CDCP2: variants seen among roughly 807,000 people sequenced by gnomAD.
The protein encoded by CDCP2 is CUB domain containing protein 2.
A neutral mutation model predicts 31.0 loss-of-function variants in CDCP2; 31 were observed. The ratio of observed to expected loss-of-function variants is 1.00; its 90% CI spans 0.75 to 1.35. CDCP2 has a LOEUF of 1.35. Among genes scored for constraint, CDCP2 ranks in the 40% most tolerant of loss-of-function variants. The probability of loss-of-function intolerance (pLI) is 0.00; values close to 1 mark genes in which losing one functional copy is unlikely to be tolerated. For synonymous variants in CDCP2, 206 were observed against 207.9 expected (o/e 0.99, Z 0.08); for missense variants, 443 against 482.6 (o/e 0.92, Z 0.77).
At chr1:54,134,564 A>T (rs1383683287) in intron 5 of CDCP2, among the ~76,000 whole-genome samples, 1 of 152,196 alleles carries the variant, frequency 6.6e-6, no homozygotes, top group African/African-American at 2.4e-5. Context: ...CCATCTAGCA[A>T]GTAGCACTCC....
At chr1:54,152,210 T>A (rs547335277) in intron 1 of CDCP2, among the ~76,000 whole-genome samples, 57 of 152,266 alleles carry the variant, frequency 3.7e-4, no homozygotes, top group African/African-American at 1.3e-3. Flanking sequence ...ATGCCTGTAA[T>A]CCCAGCACTT....
intron 1 of CDCP2, among the ~76,000 whole-genome samples, chr1:54,150,543 C>A (rs951586657): frequency 2.0e-5 from 3 of 151,774 alleles, no homozygotes; most frequent in African/African-American, 7.3e-5. Flanking sequence ...TGCACTGAGC[C>A]GAGATTGCGC....
At chr1:54,134,544 C>T (rs1002789466) in intron 5 of CDCP2, among the ~76,000 whole-genome samples, 8 of 152,126 alleles carry the variant, frequency 5.3e-5, no homozygotes, top group African/African-American at 9.7e-5. Flanking sequence ...TCAGGGTTTC[C>T]TAACTGGCCC....
chr1:54,137,702 T>TGTGTGCGTGTGTGTGC (rs1188646906), intron 4 of CDCP2: 1 of 152,774 alleles, frequency 6.5e-6, no homozygotes, highest in Non-Finnish European at 1.5e-5. Context: ...TGTGTGTGTG[T>TGTGTGCGTGTGTGTGC]GTGCATGCGG....
chr1:54,141,367 T>A, exon 3 of CDCP2: 1 of 1,614,030 alleles, frequency 6.2e-7, no homozygotes. Context: ...GCTGTTCGGG[T>A]AGTTGTTGGG....
At chr1:54,139,701 T>C (rs1467550244) in intron 4 of CDCP2, 52 bp downstream of exon 4, 3 of 1,613,984 alleles carry the variant, frequency 1.9e-6, no homozygotes, top group Non-Finnish European at 2.5e-6. Flanking sequence ...AGACTGAGGC[T>C]GCAAAGCCTC....
intron 4 of CDCP2, among the ~76,000 whole-genome samples, chr1:54,137,279 A>C (rs1487925950): frequency 1.3e-5 from 2 of 152,218 alleles, no homozygotes; most frequent in Non-Finnish European, 2.9e-5. Context: ...TGGAGCTTAC[A>C]TTCTAGATGG....
In CDCP2 at chr1:54,144,460, G is replaced by A. The variant is rs377194148; in HGVS notation, c.427+6C>T. 2.2e-5 allele frequency: 35 copies of A among 1,564,420 alleles called. No individual in the cohort carries two copies. The highest frequency in any genetic ancestry group is 2.7e-5 in the African/African-American group (2 of 74,082). On this transcript the variant is annotated splice_donor_region_variant and intron_variant, in intron 2 of 5. Transcript: ENST00000530059. ...CTGCAACAGGTCCCTAAGGCCCCCC[G>A]TTGACCTTTCTGGTAGCCCGCAGAA...
intron 5 of CDCP2, among the ~76,000 whole-genome samples, chr1:54,133,913 C>CAAACAACAAAA (rs748829165): frequency 2.8e-5 from 4 of 144,890 alleles, no homozygotes; most frequent in East Asian, 2.2e-4. Context: ...AACAAACAAA[C>CAAACAACAAAA]AAAAAAAACC....
chr1:54,150,105 T>G (rs1659554889), intron 1 of CDCP2, among the ~76,000 whole-genome samples: 1 of 152,200 alleles, frequency 6.6e-6, no homozygotes, highest in Non-Finnish European at 1.5e-5. Flanking sequence ...CTGGGGAGTC[T>G]TGGGGCTCCC....
intron 1 of CDCP2, 111 bp downstream of exon 1, chr1:54,152,733 T>G: frequency 1.0e-6 from 1 of 977,194 alleles, no homozygotes; most frequent in Non-Finnish European, 1.6e-6. Context: ...CCACGTCCCC[T>G]AAAAGGACCT....
chr1:54,144,911 T>G (rs1659438446), intron 1 of CDCP2, 98 bp from the exon 2 acceptor site: 1 of 841,126 alleles, frequency 1.2e-6, no homozygotes, highest in African/African-American at 1.7e-5. Flanking sequence ...GTTCTTGGGA[T>G]GGGATGAGGG....
intron 3 of CDCP2, chr1:54,140,829 C>G: frequency 2.9e-6 from 1 of 345,738 alleles, no homozygotes; most frequent in Non-Finnish European, 5.2e-6. Context: ...AAACCACACA[C>G]AGAAGTGACA....
intron 4 of CDCP2, chr1:54,139,467 G>A: frequency 6.9e-7 from 1 of 1,438,960 alleles, no homozygotes; most frequent in South Asian, 1.3e-5. Flanking sequence ...CACAAGAGGG[G>A]CCAGGGGCCC....
intron 3 of CDCP2, 127 bp downstream of exon 3, chr1:54,140,971 A>T: frequency 1.4e-6 from 1 of 732,190 alleles, no homozygotes; most frequent in South Asian, 2.6e-5. Flanking sequence ...AGAGCATTCC[A>T]GGCAGAGAGA....
At chr1:54,138,951 G>A (rs527678431) in intron 4 of CDCP2, 5 of 154,400 alleles carry the variant, frequency 3.2e-5, no homozygotes, top group African/African-American at 1.2e-4. Context: ...GGGAGCAATG[G>A]TGGACCCTCT....
intron 1 of CDCP2, among the ~76,000 whole-genome samples, chr1:54,145,370 G>A (rs1046896174): frequency 6.6e-6 from 1 of 152,122 alleles, no homozygotes; most frequent in Non-Finnish European, 1.5e-5. Context: ...AGGTTGCAGT[G>A]AGCCAAGATC....
intron 4 of CDCP2, among the ~76,000 whole-genome samples, chr1:54,137,551 G>A (rs538708903): frequency 2.0e-5 from 3 of 152,312 alleles, no homozygotes; most frequent in African/African-American, 4.8e-5. Context: ...GTGGCCAACC[G>A]GGTCGACAGG....
intron 4 of CDCP2, chr1:54,137,663 ATGTGTGTGTGTGTGTGTGTGCGTGTG>A (rs1402040431): frequency 1.4e-5 from 2 of 144,854 alleles, no homozygotes; most frequent in African/African-American, 5.1e-5. Context: ...TTGGGTGAGC[ATGTGTGTGTGTGTGTGTGTGCGTGTG>A]TGTGTGTGTG....
Sources: gnomAD v4.1 joint callset for allele counts (sites outside exome capture counted in the v4.1 genomes callset) on GRCh38, gnomAD v4.1.1 for gene constraint, MANE v1.5 for transcripts, NCBI Gene and HGNC (gene_info 2026-07-23, HGNC 2026-07-21) for gene names.